Variants in BARX2 observed in about 807,000 individuals in gnomAD.
The protein encoded by BARX2 is homeobox protein BarH-like 2.
A neutral mutation model predicts 25.5 loss-of-function variants in BARX2; 11 were observed. The observed-to-expected ratio is 0.43, with a 90% CI of 0.27 to 0.71. BARX2 has a LOEUF of 0.71. Among genes scored for constraint, BARX2 ranks in the 30% least tolerant of loss-of-function variants. BARX2 has a pLI of 0.19. For missense variants in BARX2, 360 were observed against 359.9 expected (o/e 1.00, Z 0.00); for synonymous variants, 137 against 149.5 (o/e 0.92, Z 0.61).
At chr11:129,449,200 A>G (rs1326442675) in intron 3 of BARX2, among the ~76,000 whole-genome samples, 1 of 152,218 alleles carries the variant, frequency 6.6e-6, no homozygotes, top group African/African-American at 2.4e-5. Flanking sequence ...TGGCATGTGA[A>G]TTATATCTCA....
intron 1 of BARX2, among the ~76,000 whole-genome samples, chr11:129,414,363 G>A (rs1380005949): frequency 6.8e-6 from 1 of 146,578 alleles, no homozygotes; most frequent in Non-Finnish European, 1.5e-5. Flanking sequence ...TTATCTAAGA[G>A]CTACCGAGAT....
chr11:129,437,627 C>A, intron 2 of BARX2: 2 of 474,848 alleles, frequency 4.2e-6, no homozygotes, highest in Non-Finnish European at 5.5e-6. Context: ...TTCTTTGAAC[C>A]CCTCTGAGAT....
At chr11:129,442,655 G>A in intron 2 of BARX2, 180 bp from the exon 3 acceptor site, 1 of 590,278 alleles carries the variant, frequency 1.7e-6, no homozygotes, top group Non-Finnish European at 3.0e-6. Context: ...GCTTCCCAGA[G>A]TTTCCTCTGT....
chr11:129,391,635 T>G (rs1861666647), intron 1 of BARX2, among the ~76,000 whole-genome samples: 2 of 151,716 alleles, frequency 1.3e-5, no homozygotes. Flanking sequence ...ACAGTGGGAG[T>G]TTAGTGGGGA....
At chr11:129,434,189 G>A (rs1170079792) in intron 1 of BARX2, among the ~76,000 whole-genome samples, 3 of 150,868 alleles carry the variant, frequency 2.0e-5, no homozygotes, top group African/African-American at 7.3e-5. Context: ...AATATATTAG[G>A]TATTTTCTCG....
At chr11:129,426,730 C>A (rs2135406493) in intron 1 of BARX2, among the ~76,000 whole-genome samples, 1 of 152,256 alleles carries the variant, frequency 6.6e-6, no homozygotes, top group East Asian at 1.9e-4. Context: ...TGACCCCCAA[C>A]TCCATCCTTC....
intron 2 of BARX2, among the ~76,000 whole-genome samples, chr11:129,439,028 T>C (rs1396359883): frequency 2.6e-5 from 4 of 152,110 alleles, no homozygotes; most frequent in Non-Finnish European, 5.9e-5. Context: ...AACAGGCAAA[T>C]GGTGGACCTC....
intron 1 of BARX2, among the ~76,000 whole-genome samples, chr11:129,418,219 A>G (rs1861965632): frequency 6.6e-6 from 1 of 152,222 alleles, no homozygotes; most frequent in South Asian, 2.1e-4. Context: ...CAAATTCTAT[A>G]AAAAGGCCTC....
At chr11:129,408,243 T>C (rs1861852894) in intron 1 of BARX2, among the ~76,000 whole-genome samples, 1 of 152,180 alleles carries the variant, frequency 6.6e-6, no homozygotes, top group Admixed American at 6.5e-5. Context: ...TATTCGGTTC[T>C]GTTGATGTTA....
At chr11:129,448,015 C>T (rs557798891) in intron 3 of BARX2, among the ~76,000 whole-genome samples, 5 of 152,278 alleles carry the variant, frequency 3.3e-5, no homozygotes, top group East Asian at 1.9e-4. Context: ...ATCTCTACCT[C>T]GTTAAAGGTC....
Position 129,451,648 on chromosome 11 carries a change from G to A in BARX2, c.*246G>A. The stretch of plus-strand genomic sequence containing the variant: ...TGTGGATGCCCTTGATTAAGGGAGA[G>A]AGCGCCTAGGAGCTGCCTGCCCCAG... On this transcript the variant is annotated 3_prime_UTR_variant, in exon 4 of 4. Transcript: ENST00000281437. 1 of 510,970 alleles carries A rather than the reference G, an allele frequency of 2.0e-6. No homozygotes were observed. The highest frequency in any genetic ancestry group is 3.4e-5 in the Admixed American group (1 of 29,510). The allele number at this position is 510,970 out of a possible 1,614,324, so 31.7% of individuals were successfully genotyped here.
In BARX2 at chr11:129,421,504, C is replaced by T. The variant is rs142501419; in HGVS notation, c.188-15247C>T. 4.5e-3 allele frequency among the ~76,000 whole-genome samples: 682 copies of T among 152,310 alleles called. 12 individuals carry two copies. Among genetic ancestry groups the T allele is most frequent in the African/African-American group, 0.016 (663 of 41,556 alleles). On this transcript the variant is annotated intron_variant, in intron 1 of 3. Transcript: ENST00000281437. Reference sequence around the variant, plus strand: ...TGGATGCATAATCACTAAGGATACACATCTATTAGAAATGAATAGAATACC... The same window carrying T: ...TGGATGCATAATCACTAAGGATACATATCTATTAGAAATGAATAGAATACC...
chr11:129,406,671 C>T, intron 1 of BARX2, among the ~76,000 whole-genome samples: 1 of 152,166 alleles, frequency 6.6e-6, no homozygotes, highest in East Asian at 1.9e-4. Flanking sequence ...GGTGGACCCC[C>T]CAGTCCTGGG....
At chr11:129,447,260 G>T (rs1396787188) in intron 3 of BARX2, among the ~76,000 whole-genome samples, 1 of 152,262 alleles carries the variant, frequency 6.6e-6, no homozygotes, top group Non-Finnish European at 1.5e-5. Context: ...CAAAAGATCC[G>T]GTCTTAACAC....
intron 1 of BARX2, among the ~76,000 whole-genome samples, chr11:129,422,243 C>T (rs1057067750): frequency 6.6e-6 from 1 of 152,288 alleles, no homozygotes; most frequent in Non-Finnish European, 1.5e-5. Context: ...TGGCTAGACC[C>T]TACGCTGGAC....
At chr11:129,402,168 A>G (rs778855178) in intron 1 of BARX2, among the ~76,000 whole-genome samples, 4 of 152,134 alleles carry the variant, frequency 2.6e-5, no homozygotes, top group Non-Finnish European at 4.4e-5. Flanking sequence ...CCATCCAACT[A>G]TGTGTCTCAG....
intron 1 of BARX2, among the ~76,000 whole-genome samples, chr11:129,415,732 T>C (rs1861937169): frequency 6.6e-6 from 1 of 152,228 alleles, no homozygotes; most frequent in Non-Finnish European, 1.5e-5. Flanking sequence ...TATCAAGACT[T>C]AATTTAATGA....
intron 1 of BARX2, among the ~76,000 whole-genome samples, chr11:129,402,785 C>A (rs898655493): frequency 2.6e-5 from 4 of 152,198 alleles, no homozygotes; most frequent in African/African-American, 9.7e-5. Context: ...ACAACTGCTA[C>A]TTGAATGCCT....
chr11:129,398,980 C>G (rs759153374), intron 1 of BARX2, among the ~76,000 whole-genome samples: 2 of 152,176 alleles, frequency 1.3e-5, no homozygotes, highest in Non-Finnish European at 2.9e-5. Context: ...ATGCTGTACT[C>G]TTTACCTCCA....
Sources: allele counts gnomAD v4.1 joint callset (sites outside exome capture counted in the v4.1 genomes callset), GRCh38; gene constraint gnomAD v4.1.1; transcripts MANE v1.5; gene names NCBI Gene and HGNC (gene_info 2026-07-23, HGNC 2026-07-21).